MCHR2: variants seen among roughly 807,000 people sequenced by gnomAD.
The protein encoded by MCHR2 is melanin concentrating hormone receptor 2, also known as melanin-concentrating hormone receptor 2.
In MCHR2, 15 loss-of-function variants were observed where a neutral mutation model predicts 24.8. The observed-to-expected ratio is 0.60, with a 90% confidence interval of 0.40 to 0.93. The LOEUF (loss-of-function observed/expected upper bound fraction) is 0.93. Among genes scored for constraint, MCHR2 ranks in the 40% least tolerant of loss-of-function variants. The pLI is 0.00. For synonymous variants in MCHR2, 151 were observed against 147.6 expected, an observed-to-expected ratio of 1.02 and a Z score of -0.17; for missense variants, 386 against 408.7, an observed-to-expected ratio of 0.94 and a Z score of 0.48.
intron 5 of MCHR2, among the ~76,000 whole-genome samples, chr6:99,931,551 C>A (rs1366484236): frequency 1.3e-5 from 2 of 152,142 alleles, no homozygotes; most frequent in African/African-American, 2.4e-5. Flanking sequence ...TGGCGGGCAA[C>A]CCTCCCCCAC....
At chr6:99,930,863 C>T (rs1171392703) in intron 5 of MCHR2, among the ~76,000 whole-genome samples, 3 of 152,220 alleles carry the variant, frequency 2.0e-5, no homozygotes, top group Non-Finnish European at 4.4e-5. Flanking sequence ...CTCCATCCAG[C>T]TTTGTTCCAT....
chr6:99,977,438 G>C (rs888006827), intron 1 of MCHR2, among the ~76,000 whole-genome samples: 2 of 152,144 alleles, frequency 1.3e-5, no homozygotes, highest in African/African-American at 4.8e-5. Flanking sequence ...AATGTACCCT[G>C]CTCCTGAGAC....
At chr6:99,946,295 A>G (rs1774870739) in intron 3 of MCHR2, among the ~76,000 whole-genome samples, 1 of 152,202 alleles carries the variant, frequency 6.6e-6, no homozygotes, top group African/African-American at 2.4e-5. Context: ...TGTTAGTTAC[A>G]AGTTGAGAAG....
intron 4 of MCHR2, among the ~76,000 whole-genome samples, chr6:99,934,938 G>A (rs540488452): frequency 5.7e-4 from 86 of 152,120 alleles, no homozygotes; most frequent in African/African-American, 2.0e-3. Flanking sequence ...AGAAGAAACT[G>A]AGGCACAGAG....
At chr6:99,968,717 A>G (rs1775337945) in intron 1 of MCHR2, among the ~76,000 whole-genome samples, 1 of 152,182 alleles carries the variant, frequency 6.6e-6, no homozygotes, top group Non-Finnish European at 1.5e-5. Flanking sequence ...AAATGTCAAG[A>G]TAGACCATAT....
At position 99,956,148 on chromosome 6, in the gene MCHR2, TG is replaced by T. The variant is rs1254674544; in HGVS notation, c.-2del. ...AACAAGATGCATGAAATGGATTCAT[TG>T]TTCGTGGACTTTCCAGGGATTAAAG... On this transcript the variant is annotated 5_prime_UTR_variant, in exon 2 of 6. Coordinates refer to ENST00000281806, the MANE Select transcript of MCHR2 (RefSeq NM_001040179.2). 4 of 1,609,092 alleles carry T rather than the reference TG, an allele frequency of 2.5e-6. No homozygotes were observed. In the African/African-American group the frequency reaches 5.4e-5, roughly 22 times the overall value.
intron 1 of MCHR2, among the ~76,000 whole-genome samples, chr6:99,970,858 A>T (rs1407814205): frequency 6.6e-6 from 1 of 151,974 alleles, no homozygotes; most frequent in Non-Finnish European, 1.5e-5. Context: ...GTTTGTCAAA[A>T]ATCAGATGGT....
intron 5 of MCHR2, among the ~76,000 whole-genome samples, chr6:99,930,702 G>A (rs1335001156): frequency 3.9e-5 from 6 of 152,054 alleles, no homozygotes; most frequent in Non-Finnish European, 8.8e-5. Flanking sequence ...GCTCCTTTAA[G>A]CACTTCTCTG....
chr6:99,962,007 A>G (rs992685629), intron 1 of MCHR2, among the ~76,000 whole-genome samples: 1 of 152,182 alleles, frequency 6.6e-6, no homozygotes, highest in Non-Finnish European at 1.5e-5. Context: ...CATCAAACTC[A>G]GCATATGATT....
At chr6:99,958,422 A>G (rs1014421043) in intron 1 of MCHR2, among the ~76,000 whole-genome samples, 1 of 151,990 alleles carries the variant, frequency 6.6e-6, no homozygotes, top group Non-Finnish European at 1.5e-5. Context: ...TGACTTAAAA[A>G]CAAATGTAAA....
At chr6:99,988,653 A>G (rs1222856479) in intron 1 of MCHR2, among the ~76,000 whole-genome samples, 1 of 151,958 alleles carries the variant, frequency 6.6e-6, no homozygotes, top group African/African-American at 2.4e-5. Flanking sequence ...CAAGGCAAGG[A>G]AAAACGAGAT....
intron 1 of MCHR2, among the ~76,000 whole-genome samples, chr6:99,976,616 G>A (rs932441821): frequency 4.6e-5 from 7 of 150,656 alleles, no homozygotes; most frequent in Middle Eastern, 3.4e-3. Flanking sequence ...GTCTACTTTC[G>A]TGGAGCACCA....
At chr6:99,968,722 C>T (rs1775338067) in intron 1 of MCHR2, among the ~76,000 whole-genome samples, 1 of 151,922 alleles carries the variant, frequency 6.6e-6, no homozygotes, top group East Asian at 1.9e-4. Context: ...TCAAGATAGA[C>T]CATATCCTTG....
At chr6:99,988,904 A>T (rs1389917386) in intron 1 of MCHR2, among the ~76,000 whole-genome samples, 1 of 152,188 alleles carries the variant, frequency 6.6e-6, no homozygotes, top group Non-Finnish European at 1.5e-5. Context: ...AATGGCCATC[A>T]GGTAGTATTT....
chr6:99,987,057 T>C (rs938566500), intron 1 of MCHR2, among the ~76,000 whole-genome samples: 1 of 151,918 alleles, frequency 6.6e-6, no homozygotes, highest in African/African-American at 2.4e-5. Flanking sequence ...AATGTTCTTA[T>C]ACTCTATTGT....
intron 2 of MCHR2, among the ~76,000 whole-genome samples, 161 bp downstream of exon 2, chr6:99,955,805 G>A (rs945463711): frequency 9.9e-5 from 15 of 151,956 alleles, no homozygotes; most frequent in Non-Finnish European, 2.2e-4. Flanking sequence ...AATGCATGAC[G>A]AAAATATCTG....
intron 2 of MCHR2, among the ~76,000 whole-genome samples, chr6:99,950,012 A>G (rs9495930): frequency 0.019 from 2,845 of 152,242 alleles, 41 homozygotes; most frequent in South Asian, 0.044. Flanking sequence ...TTAGGTCTCA[A>G]TTGCAGCAAT....
chr6:99,935,704 G>A (rs758404693), intron 4 of MCHR2, among the ~76,000 whole-genome samples: 2 of 151,764 alleles, frequency 1.3e-5, no homozygotes, highest in African/African-American at 4.8e-5. Flanking sequence ...TATTAATATC[G>A]TTTCTTTTGG....
intron 1 of MCHR2, among the ~76,000 whole-genome samples, chr6:99,969,892 C>T (rs1409787594): frequency 6.6e-6 from 1 of 151,114 alleles, no homozygotes; most frequent in Non-Finnish European, 1.5e-5. Flanking sequence ...GACATGAACT[C>T]TTCATTTTTT....
Sources: gnomAD v4.1 joint callset for allele counts (sites outside exome capture counted in the v4.1 genomes callset) on GRCh38, gnomAD v4.1.1 for gene constraint, MANE v1.5 for transcripts, NCBI Gene and HGNC (gene_info 2026-07-23, HGNC 2026-07-21) for gene names.